STARD8: variants seen among roughly 807,000 people sequenced by gnomAD.
STARD8 encodes the protein StAR related lipid transfer domain containing 8, also known as stAR-related lipid transfer protein 8.
In STARD8, 25 loss-of-function variants were observed where a neutral mutation model predicts 69.4. The observed-to-expected ratio is 0.36, with a 90% confidence interval of 0.26 to 0.50. The LOEUF (loss-of-function observed/expected upper bound fraction) is 0.50, where lower values mean the gene tolerates loss of function less well. STARD8 is among the 20% of genes least tolerant of loss of function. The pLI is 0.96. For synonymous variants in STARD8, 389 were observed against 374.6 expected (o/e 1.04, Z -0.45); for missense variants, 921 against 932.5 (o/e 0.99, Z 0.16).
chrX:68,722,243 T>C, intron 11 of STARD8, 82 bp downstream of exon 11: 1 of 928,041 alleles, frequency 1.1e-6, no homozygotes, highest in South Asian at 2.4e-5. Context: ...AAGTCAGGGA[T>C]AGGACCCAAT....
intron 2 of STARD8, among the ~76,000 whole-genome samples, chrX:68,691,609 C>T (rs1293599044): frequency 8.9e-6 from 1 of 112,388 alleles, no homozygotes; most frequent in Non-Finnish European, 1.9e-5. Context: ...TGTAGCTTAC[C>T]CTGACAATTG....
intron 1 of STARD8, among the ~76,000 whole-genome samples, chrX:68,652,274 A>G (rs2079553002): frequency 9.0e-6 from 1 of 111,158 alleles, no homozygotes; most frequent in East Asian, 2.8e-4. Flanking sequence ...GGGTTATTCT[A>G]TATTTGAAAA....
rs146517163 is a variant in STARD8 at position 68,710,098 on chromosome X, T to C, written c.80-2816T>C. On this transcript the variant is annotated intron_variant, in intron 2 of 14. Coordinates refer to ENST00000374599, the MANE Select transcript of STARD8 (RefSeq NM_001142503.3). ...TTGGCTGGCATGAGGGCAGGTGGCATAATGCAATGGCAAAGAGCACTGAAC... is the reference window on the plus strand; with the variant it reads ...TTGGCTGGCATGAGGGCAGGTGGCACAATGCAATGGCAAAGAGCACTGAAC... Among the ~76,000 whole-genome samples the C allele has an allele frequency of 5.1e-4, 57 of 111,948 alleles. No homozygotes were observed. The East Asian group carries it at 8.5e-3, about 17-fold the overall frequency.
chrX:68,718,320 A>G lies in STARD8; in HGVS notation c.1406A>G (p.Gln469Arg), dbSNP rs1337956904. 8.3e-7 allele frequency: 1 copy of G among 1,210,294 alleles called. No individual in the cohort carries two copies. The highest frequency in any genetic ancestry group is 3.0e-5 in the East Asian group (1 of 33,753). The change falls in exon 6 of 15, where the codon CAG becomes CGG. Residue 469 changes from glutamine to arginine, a missense_variant. By Grantham distance (43) the Gln-to-Arg change is conservative. Coordinates refer to ENST00000374599, the MANE Select transcript of STARD8 (RefSeq NM_001142503.3). ...CAGCCAGCAGTCCTGGCTCCGGCTC[A>G]GGCTCCAGCTGAGGCTGAACCAGTG... ...EVQPAVLAPAQAPAEAEPVAQ... is the reference protein window; with the variant it reads ...EVQPAVLAPARAPAEAEPVAQ...
chrX:68,715,231 G>A, intron 3 of STARD8, 63 bp from the exon 4 acceptor site: 1 of 1,012,280 alleles, frequency 9.9e-7, no homozygotes, highest in African/African-American at 1.9e-5. Context: ...CCAGCCCAAG[G>A]GCTGCTGAGG....
chrX:68,650,782 C>CAAACAAAACAAAACAAAACAAAACA (rs199558734), intron 1 of STARD8, among the ~76,000 whole-genome samples: 2 of 88,698 alleles, frequency 2.3e-5, no homozygotes, highest in Admixed American at 1.3e-4. Context: ...GGCTATGTCT[C>CAAACAAAACAAAACAAAACAAAACA]AAACAAAACA....
chrX:68,665,505 C>T lies in STARD8; in HGVS notation c.52C>T (p.Pro18Ser). The change falls in exon 2 of 15, where the codon CCA becomes TCA. Residue 18 changes from proline to serine, a missense_variant. Physicochemically the swap from Pro to Ser is moderately conservative, Grantham distance 74. Coordinates refer to ENST00000374599, the MANE Select transcript of STARD8 (RefSeq NM_001142503.3). ...TTCTCTGTTTCTTTTGCAGTGCTTC[C>T]CATTGCTGCAGGTGAAGAAGAACGC... ...WSCFRKVKCF[P>S]LLQVKKNAEA... is the part of the protein sequence containing the mutation. 4.1e-6 allele frequency: 5 copies of T among 1,208,262 alleles called. No homozygotes were observed. Among genetic ancestry groups the T allele is most frequent in the Non-Finnish European group, 5.6e-6 (5 of 893,766 alleles).
chrX:68,667,596 C>T lies in STARD8; in HGVS notation c.79+2064C>T, dbSNP rs189521338. ...CCAAGTCCCCAACCACCCAGCAGTC[C>T]TCTTAGAGGTGATCAGTGTTAGCAG... On this transcript the variant is annotated intron_variant, in intron 2 of 14. Coordinates refer to ENST00000374599, the MANE Select transcript of STARD8 (RefSeq NM_001142503.3). 3.1e-3 allele frequency among the ~76,000 whole-genome samples: 344 copies of T among 111,291 alleles called. 3 individuals are homozygous for T. The highest frequency in any genetic ancestry group is 0.011 in the African/African-American group (333 of 30,590).
chrX:68,697,058 T>C (rs2079925517), intron 2 of STARD8, among the ~76,000 whole-genome samples: 1 of 112,040 alleles, frequency 8.9e-6, no homozygotes, highest in Admixed American at 9.4e-5. Flanking sequence ...ATCTACATCA[T>C]GCCCTTGTTA....
chrX:68,690,431 C>CGGGGGGGGG (rs756097076), intron 2 of STARD8, among the ~76,000 whole-genome samples: 1 of 99,551 alleles, frequency 1.0e-5, no homozygotes, highest in African/African-American at 4.4e-5. Context: ...CCCAGGCAGG[C>CGGGGGGGGG]AGGGCGGGGG....
chrX:68,682,352 T>C (rs1173317445), intron 2 of STARD8, among the ~76,000 whole-genome samples: 1 of 112,343 alleles, frequency 8.9e-6, no homozygotes, highest in East Asian at 2.8e-4. Context: ...GCCAAATCCC[T>C]TCCTGAGCAA....
At chrX:68,686,719 C>T (rs1430035042) in intron 2 of STARD8, among the ~76,000 whole-genome samples, 1 of 112,646 alleles carries the variant, frequency 8.9e-6, no homozygotes, top group African/African-American at 3.2e-5. Flanking sequence ...AAAACCTCAC[C>T]CCTGGCCGGC....
At chrX:68,690,924 A>T (rs946168024) in intron 2 of STARD8, among the ~76,000 whole-genome samples, 3 of 112,304 alleles carry the variant, frequency 2.7e-5, no homozygotes, top group Non-Finnish European at 5.6e-5. Flanking sequence ...ATTGAAGGTC[A>T]GGGTTGTGAT....
intron 2 of STARD8, among the ~76,000 whole-genome samples, chrX:68,698,326 C>T (rs2147911269): frequency 9.0e-6 from 1 of 111,170 alleles, no homozygotes; most frequent in East Asian, 2.8e-4. Context: ...TTGATCGCCT[C>T]ATCTCAATTT....
At chrX:68,698,281 G>A (rs1028617478) in intron 2 of STARD8, among the ~76,000 whole-genome samples, 1 of 111,321 alleles carries the variant, frequency 9.0e-6, no homozygotes, top group African/African-American at 3.3e-5. Context: ...CAGCATCAGA[G>A]TTAAAAAGGG....
chrX:68,724,202 C>G (rs2080179460), intron 14 of STARD8, 81 bp downstream of exon 14: 3 of 1,166,817 alleles, frequency 2.6e-6, no homozygotes, highest in Non-Finnish European at 3.5e-6. Context: ...CTGCCCCATG[C>G]TATTGATCCC....
chrX:68,714,532 A>G (rs1273854107), intron 3 of STARD8, among the ~76,000 whole-genome samples: 1 of 111,778 alleles, frequency 8.9e-6, no homozygotes, highest in African/African-American at 3.3e-5. Context: ...CCTTTACACT[A>G]TCATGCTGGC....
chrX:68,666,747 A>G (rs1449909547), intron 2 of STARD8, among the ~76,000 whole-genome samples: 1 of 111,966 alleles, frequency 8.9e-6, no homozygotes, highest in Non-Finnish European at 1.9e-5. Context: ...CTGCTTCTCC[A>G]CTTCCCCACC....
At chrX:68,688,000 G>T (rs1215040074) in intron 2 of STARD8, among the ~76,000 whole-genome samples, 1 of 112,876 alleles carries the variant, frequency 8.9e-6, no homozygotes, top group Non-Finnish European at 1.9e-5. Context: ...CTTGCCCAGT[G>T]CCCGGCACAG....
Sources: allele counts gnomAD v4.1 joint callset (sites outside exome capture counted in the v4.1 genomes callset), GRCh38; gene constraint gnomAD v4.1.1; transcripts MANE v1.5; gene names NCBI Gene and HGNC (gene_info 2026-07-23, HGNC 2026-07-21).